Variants in KIAA1217 observed in about 807,000 individuals in gnomAD.
KIAA1217 encodes sickle tail protein homolog.
Under a neutral mutation model 163.9 loss-of-function variants are expected in KIAA1217, and 88 were observed. The observed-to-expected ratio is 0.54, with a 90% CI of 0.45 to 0.64. KIAA1217 has a LOEUF of 0.64. Ranked by LOEUF, KIAA1217 falls within the 30% of genes least tolerant of loss-of-function variation. The pLI, the probability that KIAA1217 is intolerant of heterozygous loss-of-function variation, is 0.00. For missense variants in KIAA1217, 2,372 were observed against 2,475.0 expected (o/e 0.96, Z 0.88); for synonymous variants, 903 against 923.1 (o/e 0.98, Z 0.39).
intron 3 of KIAA1217, among the ~76,000 whole-genome samples, chr10:24,397,714 C>T (rs1425936248): frequency 6.6e-6 from 1 of 152,118 alleles, no homozygotes; most frequent in Non-Finnish European, 1.5e-5. Context: ...TAATAAGATT[C>T]CACTAATAAC....
chr10:23,811,188 T>C (rs1437452222), intron 1 of KIAA1217, among the ~76,000 whole-genome samples: 1 of 142,686 alleles, frequency 7.0e-6, no homozygotes, highest in Non-Finnish European at 1.5e-5. Context: ...TACTATACTA[T>C]ACATATACTA....
chr10:24,194,112 G>A (rs187683287), intron 2 of KIAA1217, among the ~76,000 whole-genome samples: 1,941 of 152,046 alleles, frequency 0.013, 22 homozygotes, highest in Middle Eastern at 0.051. Context: ...ACTTGAACCC[G>A]GCAGGCAGAG....
At chr10:24,348,301 G>A (rs963449694) in intron 2 of KIAA1217, among the ~76,000 whole-genome samples, 2 of 151,814 alleles carry the variant, frequency 1.3e-5, no homozygotes, top group Admixed American at 1.3e-4. Context: ...TCACACCACT[G>A]CACTCTAGCC....
intron 2 of KIAA1217, among the ~76,000 whole-genome samples, chr10:24,346,962 T>C (rs1292891702): frequency 1.3e-5 from 2 of 152,216 alleles, no homozygotes; most frequent in Admixed American, 6.5e-5. Flanking sequence ...AATCTGAAGA[T>C]ACTTCCTCAT....
chr10:24,051,090 T>C (rs1849467657), intron 2 of KIAA1217, among the ~76,000 whole-genome samples: 1 of 152,144 alleles, frequency 6.6e-6, no homozygotes. Flanking sequence ...CCCTTCTCCC[T>C]GAGTTCCCAA....
At chr10:23,729,600 CTGTT>C (rs1286420908) in intron 1 of KIAA1217, among the ~76,000 whole-genome samples, 8 of 152,144 alleles carry the variant, frequency 5.3e-5, no homozygotes, top group African/African-American at 1.9e-4. Context: ...AGTAGGGTGT[CTGTT>C]AAGGTCTTTG....
intron 10 of KIAA1217, among the ~76,000 whole-genome samples, chr10:24,513,890 A>C (rs2069613344): frequency 6.6e-6 from 1 of 152,206 alleles, no homozygotes; most frequent in Admixed American, 6.5e-5. Context: ...AATGGCAAAT[A>C]GGAAGCCTAT....
chr10:24,462,880 G>A (rs1224437942), intron 5 of KIAA1217, among the ~76,000 whole-genome samples: 4 of 152,146 alleles, frequency 2.6e-5, no homozygotes, highest in Admixed American at 6.6e-5. Flanking sequence ...AGTCTAAGGC[G>A]CTAAAAAGTT....
chr10:24,035,122 G>A (rs947882975), intron 2 of KIAA1217, among the ~76,000 whole-genome samples: 4 of 152,140 alleles, frequency 2.6e-5, no homozygotes, highest in South Asian at 2.1e-4. Flanking sequence ...TTCAATTCCC[G>A]CTCCTGTACT....
chr10:24,543,515 T>C lies in KIAA1217; in HGVS notation c.4245T>C (p.Asn1415=). ...SQKGEDIQTV[N]IDARKEMTPR... is the part of the protein sequence containing the mutation. Reference sequence around the variant, plus strand: ...AGGGAGAAGACATACAGACGGTTAATATCGATGCCAGAAAAGAGATGACCC... The same window carrying C: ...AGGGAGAAGACATACAGACGGTTAACATCGATGCCAGAAAAGAGATGACCC... Residue 1415 remains asparagine (N), a synonymous_variant, in exon 19 of 21, where the codon AAT becomes AAC. Coordinates refer to ENST00000376454, the MANE Select transcript of KIAA1217 (RefSeq NM_019590.5). The C allele has an allele frequency of 6.2e-7, 1 of 1,611,272 alleles. No homozygotes were observed. The highest frequency in any genetic ancestry group is 8.5e-7 in the Non-Finnish European group (1 of 1,177,470).
chr10:23,962,910 C>T (rs1192813305), intron 1 of KIAA1217, among the ~76,000 whole-genome samples: 2 of 152,070 alleles, frequency 1.3e-5, no homozygotes, highest in African/African-American at 4.8e-5. Flanking sequence ...GACACCAGGT[C>T]AGATCTTGTG....
Position 24,294,234 on chromosome 10 carries a change from G to C in KIAA1217, c.354+74325G>C, listed in dbSNP as rs190170237. ...AAAAAGAAATAGTTCCTTTCCACGT[G>C]GAGTGGACTGGCCACCTTGGGGCTC... On this transcript the variant is annotated intron_variant, in intron 2 of 20. Coordinates refer to ENST00000376454, the MANE Select transcript of KIAA1217 (RefSeq NM_019590.5). Among the ~76,000 whole-genome samples the C allele has an allele frequency of 2.1e-3, 322 of 150,732 alleles. 4 individuals carry two copies. Among genetic ancestry groups the C allele is most frequent in the African/African-American group, 7.7e-3 (314 of 40,926 alleles).
At chr10:23,786,401 C>T (rs924521288) in intron 1 of KIAA1217, among the ~76,000 whole-genome samples, 1 of 152,052 alleles carries the variant, frequency 6.6e-6, no homozygotes, top group Non-Finnish European at 1.5e-5. Context: ...TGGTGGCTCA[C>T]AGTCATGCCT....
At chr10:24,189,180 C>A (rs1317191546) in intron 2 of KIAA1217, among the ~76,000 whole-genome samples, 1 of 151,802 alleles carries the variant, frequency 6.6e-6, no homozygotes, top group Admixed American at 6.6e-5. Flanking sequence ...ATAGTACCAG[C>A]CTTATCAGGT....
chr10:24,008,701 G>A (rs984419822), intron 2 of KIAA1217, among the ~76,000 whole-genome samples: 1 of 152,048 alleles, frequency 6.6e-6, no homozygotes, highest in Non-Finnish European at 1.5e-5. Context: ...TCTATTTTCT[G>A]CTGTCTCTAT....
chr10:23,723,364 T>A (rs80251298), intron 1 of KIAA1217, among the ~76,000 whole-genome samples: 2,019 of 152,242 alleles, frequency 0.013, 42 homozygotes, highest in African/African-American at 0.043. Context: ...CCTTCTCTGG[T>A]TGCTTAATTG....
intron 1 of KIAA1217, among the ~76,000 whole-genome samples, chr10:23,810,925 T>C (rs1386588396): frequency 9.2e-5 from 11 of 119,220 alleles, no homozygotes; most frequent in Non-Finnish European, 1.6e-4. Context: ...TATAATAATA[T>C]AGTATATATA....
chr10:24,517,185 A>C (rs1323503510), intron 10 of KIAA1217, among the ~76,000 whole-genome samples: 1 of 151,828 alleles, frequency 6.6e-6, no homozygotes, highest in Non-Finnish European at 1.5e-5. Context: ...AAAAAAAAAA[A>C]AAACTAAAAA....
intron 10 of KIAA1217, among the ~76,000 whole-genome samples, chr10:24,516,143 G>A (rs1009785551): frequency 3.3e-5 from 5 of 152,238 alleles, no homozygotes; most frequent in Non-Finnish European, 2.9e-5. Flanking sequence ...TGGGGAGATT[G>A]CATCAGCAGA....
Sources: allele counts gnomAD v4.1 joint callset (sites outside exome capture counted in the v4.1 genomes callset), GRCh38; gene constraint gnomAD v4.1.1; transcripts MANE v1.5; gene names NCBI Gene and HGNC (gene_info 2026-07-23, HGNC 2026-07-21).